The following CMIP variants were observed in gnomAD, a reference collection of about 807,000 sequenced individuals.
The protein encoded by CMIP is c-Maf inducing protein.
CMIP carries 13 observed loss-of-function variants against 97.3 expected under a neutral mutation model. The ratio of observed to expected loss-of-function variants is 0.13; its 90% CI spans 0.09 to 0.21. The LOEUF is 0.21. Among genes scored for constraint, CMIP ranks in the 10% least tolerant of loss-of-function variants. CMIP has a pLI of 1.00. For missense variants in CMIP, 847 were observed against 1,024.9 expected (o/e 0.83, Z 2.37); for synonymous variants, 538 against 436.3 (o/e 1.23, Z -2.91).
intron 1 of CMIP, among the ~76,000 whole-genome samples, chr16:81,540,198 C>T (rs759547965): frequency 6.6e-6 from 1 of 152,208 alleles, no homozygotes; most frequent in South Asian, 2.1e-4. Context: ...TGACCAGCAT[C>T]GCTGGCCTTT....
At chr16:81,511,656 GCTCAGATGATCCTCCCAC>G (rs567810223) in intron 1 of CMIP, among the ~76,000 whole-genome samples, 2,574 of 152,298 alleles carry the variant, frequency 0.017, 24 homozygotes, top group Non-Finnish European at 0.027. Flanking sequence ...AACTTCCCAG[GCTCAGATGATCCTCCCAC>G]CTCAGCCTTC....
intron 2 of CMIP, among the ~76,000 whole-genome samples, chr16:81,612,732 G>A (rs1478740712): frequency 1.3e-5 from 2 of 152,188 alleles, no homozygotes; most frequent in Admixed American, 6.5e-5. Context: ...CCAGAAGTCG[G>A]AAGCCTGGAA....
At chr16:81,583,821 C>G (rs2091337030) in intron 1 of CMIP, among the ~76,000 whole-genome samples, 1 of 152,198 alleles carries the variant, frequency 6.6e-6, no homozygotes, top group African/African-American at 2.4e-5. Flanking sequence ...TCTCTGTAGG[C>G]AAATCAGGGA....
At chr16:81,514,463 C>A (rs1275525037) in intron 1 of CMIP, among the ~76,000 whole-genome samples, 1 of 152,212 alleles carries the variant, frequency 6.6e-6, no homozygotes, top group Non-Finnish European at 1.5e-5. Flanking sequence ...GCTGGCTACT[C>A]ATTAGTCCAT....
intron 2 of CMIP, among the ~76,000 whole-genome samples, chr16:81,609,170 C>G (rs2091790075): frequency 1.3e-5 from 2 of 152,078 alleles, no homozygotes; most frequent in Admixed American, 6.5e-5. Flanking sequence ...CCCACACCCC[C>G]ACACTGTCCC....
intron 1 of CMIP, among the ~76,000 whole-genome samples, chr16:81,462,139 C>G (rs930974043): frequency 6.6e-6 from 1 of 152,104 alleles, no homozygotes; most frequent in African/African-American, 2.4e-5. Flanking sequence ...TCTTTCATTC[C>G]TGGTCTCATT....
At chr16:81,645,363 C>T (rs1207040440) in intron 3 of CMIP, 34 of 1,438,368 alleles carry the variant, frequency 2.4e-5, no homozygotes, top group Middle Eastern at 3.7e-4. Flanking sequence ...TGGGTGTGTA[C>T]GCGCGCGAGC....
chr16:81,671,168 A>G lies in CMIP; in HGVS notation c.930-798A>G, dbSNP rs533227979. Among the ~76,000 whole-genome samples, 11 of 152,234 alleles carry G rather than the reference A, an allele frequency of 7.2e-5. No individual in the cohort carries two copies. The South Asian group carries it at 2.3e-3, about 32-fold the overall frequency. On this transcript the variant is annotated intron_variant, in intron 8 of 20. Transcript: ENST00000537098. ...AAGAAAATCACAGTAACCCATTTAA[A>G]CAAGTTCTGAAGCTACGTATTTCCT...
At position 81,704,094 on chromosome 16, in the gene CMIP, T is replaced by G. The variant is rs770824369; in HGVS notation, c.2091+9T>G. ...ACCTGTGGTCCACTCAGGTACGTCCTCCCGCCCTGCTGCAGTCCCCCACAC... is the reference window on the plus strand; with the variant it reads ...ACCTGTGGTCCACTCAGGTACGTCCGCCCGCCCTGCTGCAGTCCCCCACAC... On this transcript the variant is annotated intron_variant, in intron 18 of 20. Transcript: ENST00000537098. 5.0e-6 allele frequency: 8 copies of G among 1,600,144 alleles called. No individual in the cohort carries two copies. The highest frequency in any genetic ancestry group is 6.0e-6 in the Non-Finnish European group (7 of 1,175,072).
chr16:81,507,350 T>G lies in CMIP; in HGVS notation c.300+61809T>G, dbSNP rs1366206901. On this transcript the variant is annotated intron_variant, in intron 1 of 20. Coordinates refer to ENST00000537098, the MANE Select transcript of CMIP (RefSeq NM_198390.3). ...CTAAAGATAAGCCTAAAACTACGTT[T>G]CTCAAACTGGGATATGTGCAGCCTG... is the stretch of plus-strand genomic sequence containing the variant. 3.3e-5 allele frequency among the ~76,000 whole-genome samples: 5 copies of G among 152,328 alleles called. No homozygotes were observed. The East Asian group carries it at 7.7e-4, about 23-fold the overall frequency.
chr16:81,601,712 C>G (rs1261276526), intron 1 of CMIP, among the ~76,000 whole-genome samples: 1 of 152,170 alleles, frequency 6.6e-6, no homozygotes, highest in African/African-American at 2.4e-5. Context: ...GTTCACCGAC[C>G]CATTCTCCAG....
In CMIP at chr16:81,593,726, T is replaced by G. The variant is rs927923342; in HGVS notation, c.301-13841T>G. Among the ~76,000 whole-genome samples, 42 of 152,250 alleles carry G rather than the reference T, an allele frequency of 2.8e-4. No individual in the cohort carries two copies. The South Asian group carries it at 5.0e-3, about 18-fold the overall frequency. On this transcript the variant is annotated intron_variant, in intron 1 of 20. Coordinates refer to ENST00000537098, the MANE Select transcript of CMIP (RefSeq NM_198390.3). Reference sequence around the variant, plus strand: ...ACAAATGGATCCTCGCCTCACCCGGTGCCTGCCTGTAGCCTCTCCCATCTG... The same window carrying G: ...ACAAATGGATCCTCGCCTCACCCGGGGCCTGCCTGTAGCCTCTCCCATCTG...
At chr16:81,669,437 C>T (rs1344089136) in intron 7 of CMIP, among the ~76,000 whole-genome samples, 3 of 123,538 alleles carry the variant, frequency 2.4e-5, no homozygotes, top group African/African-American at 6.0e-5. Context: ...CTTCCACACC[C>T]CTCTCACCTC....
At chr16:81,533,505 G>A (rs371339167) in intron 1 of CMIP, among the ~76,000 whole-genome samples, 2 of 152,154 alleles carry the variant, frequency 1.3e-5, no homozygotes, top group African/African-American at 4.8e-5. Flanking sequence ...TTGAGACGGA[G>A]TCTCTTTTTG....
At chr16:81,645,304 C>G in intron 3 of CMIP, 2 of 1,190,220 alleles carry the variant, frequency 1.7e-6, no homozygotes, top group South Asian at 3.2e-5. Flanking sequence ...CATGGGCGCG[C>G]CCGTGCAGCG....
chr16:81,680,977 TGG>T (rs1471960235), intron 10 of CMIP, among the ~76,000 whole-genome samples: 3 of 152,194 alleles, frequency 2.0e-5, no homozygotes, highest in Non-Finnish European at 2.9e-5. Context: ...TGCTCATGAA[TGG>T]GGGCTCTGTT....
chr16:81,650,233 G>A (rs1024787098), intron 3 of CMIP, among the ~76,000 whole-genome samples: 2 of 152,298 alleles, frequency 1.3e-5, no homozygotes, highest in African/African-American at 2.4e-5. Flanking sequence ...AATGTTCCTG[G>A]TCTTTCCCCT....
At chr16:81,576,738 G>C (rs908644231) in intron 1 of CMIP, among the ~76,000 whole-genome samples, 3 of 152,186 alleles carry the variant, frequency 2.0e-5, no homozygotes, top group East Asian at 3.8e-4. Flanking sequence ...AGGGTCTAGA[G>C]TTAGGCAGAT....
At chr16:81,462,693 C>G (rs1227433144) in intron 1 of CMIP, among the ~76,000 whole-genome samples, 1 of 152,170 alleles carries the variant, frequency 6.6e-6, no homozygotes. Context: ...GTTGGCACTT[C>G]TTGCCCCTAA....
Sources: allele counts gnomAD v4.1 joint callset (sites outside exome capture counted in the v4.1 genomes callset), GRCh38; gene constraint gnomAD v4.1.1; transcripts MANE v1.5; gene names NCBI Gene and HGNC (gene_info 2026-07-23, HGNC 2026-07-21).